The following SMPD3 variants were observed in gnomAD, a reference collection of about 807,000 sequenced individuals.
SMPD3 encodes nSMase-2.
In SMPD3, 21 loss-of-function variants were observed where a neutral mutation model predicts 55.7. The ratio of observed to expected loss-of-function variants is 0.38; its 90% CI spans 0.27 to 0.54. The LOEUF is 0.54. Ranked by LOEUF, SMPD3 falls within the 20% of genes least tolerant of loss-of-function variation. The pLI is 0.80. For synonymous variants in SMPD3, 457 were observed against 404.3 expected, an observed-to-expected ratio of 1.13 and a Z score of -1.56; for missense variants, 842 against 899.6, an observed-to-expected ratio of 0.94 and a Z score of 0.82.
rs533984832 is a variant in SMPD3, at chr16:68,370,729, C to T, written c.1323+130G>A. The T allele has an allele frequency of 9.0e-5, 111 of 1,233,160 alleles. No individual in the cohort carries two copies. The East Asian group carries it at 1.1e-3, about 12-fold the overall frequency. 76.4% of individuals were successfully genotyped at this position (1,233,160 alleles called of 1,614,324 possible). On this transcript the variant is annotated intron_variant, in intron 3 of 8. Coordinates refer to ENST00000219334, the MANE Select transcript of SMPD3 (RefSeq NM_018667.4). Reference sequence around the variant, plus strand: ...TGCTGTTTGGCTCCAGGAAAGACCGCGTCTGCCTCCCACTCCAACCTCCCA... The same window carrying T: ...TGCTGTTTGGCTCCAGGAAAGACCGTGTCTGCCTCCCACTCCAACCTCCCA...
At chr16:68,408,133 T>C (rs996216770) in intron 1 of SMPD3, among the ~76,000 whole-genome samples, 2 of 152,194 alleles carry the variant, frequency 1.3e-5, no homozygotes, top group African/African-American at 4.8e-5. Context: ...GAAACATAAT[T>C]AATTACATAG....
At chr16:68,411,760 C>T (rs1414050733) in intron 1 of SMPD3, among the ~76,000 whole-genome samples, 1 of 152,216 alleles carries the variant, frequency 6.6e-6, no homozygotes, top group Non-Finnish European at 1.5e-5. Context: ...AATGCCTTCT[C>T]TGCCTCACCC....
chr16:68,437,789 G>A (rs538799597), intron 1 of SMPD3, among the ~76,000 whole-genome samples: 7 of 152,180 alleles, frequency 4.6e-5, no homozygotes, highest in Non-Finnish European at 7.3e-5. Flanking sequence ...CATTAGAAGC[G>A]TAGCCATGGA....
At chr16:68,399,379 C>T (rs1264850635) in intron 1 of SMPD3, among the ~76,000 whole-genome samples, 10 of 152,194 alleles carry the variant, frequency 6.6e-5, no homozygotes, top group African/African-American at 2.4e-4. Context: ...TGCCCCATAG[C>T]ATGTCCACTC....
intron 7 of SMPD3, among the ~76,000 whole-genome samples, chr16:68,362,931 T>G (rs1179404106): frequency 6.6e-6 from 1 of 152,260 alleles, no homozygotes; most frequent in African/African-American, 2.4e-5. Context: ...TCGCTGTGAC[T>G]GCAGTCTCGG....
At position 68,432,280 on chromosome 16, in the gene SMPD3, A is replaced by G. The variant is rs149597420; in HGVS notation, c.-269+16073T>C. Among the ~76,000 whole-genome samples the G allele has an allele frequency of 1.3e-4, 20 of 152,318 alleles. No individual in the cohort carries two copies. The East Asian group carries it at 3.9e-3, about 29-fold the overall frequency. ...TTCCTTCTCCAAAGCCACTCTTTCC[A>G]GAGTGGTCTCATGCACATTTGCCTT... On this transcript the variant is annotated intron_variant, in intron 1 of 8. Transcript: ENST00000219334.
rs894769207 is a variant in SMPD3 at position 68,447,105 on chromosome 16, C to A, written c.-269+1248G>T. On this transcript the variant is annotated intron_variant, in intron 1 of 8. Transcript: ENST00000219334. This position sits in a 1 kb window ranked among gnomAD's most constrained non-coding sequence, Gnocchi z 5.1. ...AGCCCCCCCTCCGCGGCCGCGCCCCCCGCCCAGCCCGCGGCGCAGGCCTGC... is the reference window on the plus strand; with the variant it reads ...AGCCCCCCCTCCGCGGCCGCGCCCCACGCCCAGCCCGCGGCGCAGGCCTGC... 4.6e-5 allele frequency among the ~76,000 whole-genome samples: 7 copies of A among 151,912 alleles called. No individual in the cohort carries two copies. Among genetic ancestry groups the A allele is most frequent in the African/African-American group, 1.7e-4 (7 of 41,420 alleles).
intron 1 of SMPD3, among the ~76,000 whole-genome samples, chr16:68,403,419 A>G (rs1295148971): frequency 1.3e-5 from 2 of 152,176 alleles, no homozygotes; most frequent in Admixed American, 6.5e-5. Context: ...CATAAAGACA[A>G]GTGACCTGGC....
intron 2 of SMPD3, among the ~76,000 whole-genome samples, chr16:68,383,037 C>A (rs1489067013): frequency 6.6e-6 from 1 of 152,158 alleles, no homozygotes; most frequent in Non-Finnish European, 1.5e-5. Flanking sequence ...TCGGGTTCCA[C>A]CATGTTGGCC....
Position 68,359,280 on chromosome 16 carries a change from C to G in SMPD3, c.*1926G>C, listed in dbSNP as rs1236648700. 1.3e-5 allele frequency: 2 copies of G among 152,548 alleles called. No individual in the cohort carries two copies. Among genetic ancestry groups the G allele is most frequent in the Non-Finnish European group, 2.9e-5 (2 of 68,234 alleles). 9.4% of individuals were successfully genotyped at this position (152,548 alleles called of 1,614,324 possible). ...TGCTTCTGGAAGTTGGGGGCCTCCA[C>G]ATCATGAATCCCAGTCAAGGCTCAC... On this transcript the variant is annotated 3_prime_UTR_variant, in exon 9 of 9. Coordinates refer to ENST00000219334, the MANE Select transcript of SMPD3 (RefSeq NM_018667.4).
chr16:68,435,825 G>A (rs1026636607), intron 1 of SMPD3, among the ~76,000 whole-genome samples: 3 of 152,384 alleles, frequency 2.0e-5, no homozygotes, highest in South Asian at 2.1e-4. Flanking sequence ...GTGTGCACTG[G>A]TCAGTGCTAT....
intron 7 of SMPD3, 142 bp from the exon 8 acceptor site, chr16:68,361,901 G>C (rs887382995): frequency 7.7e-7 from 1 of 1,295,640 alleles, no homozygotes; most frequent in Admixed American, 2.7e-5. Context: ...TCTCTCCCCT[G>C]CGGGTCCAAA....
intron 2 of SMPD3, among the ~76,000 whole-genome samples, chr16:68,377,246 AG>A (rs1294122755): frequency 6.6e-6 from 1 of 152,190 alleles, no homozygotes; most frequent in African/African-American, 2.4e-5. Context: ...CATGGTTTGC[AG>A]GTTGACCCAA....
chr16:68,434,329 G>A (rs995490872), intron 1 of SMPD3, among the ~76,000 whole-genome samples: 2 of 152,114 alleles, frequency 1.3e-5, no homozygotes, highest in African/African-American at 4.8e-5. Context: ...CATGTATTTC[G>A]ATGCTAAAGT....
chr16:68,364,914 G>A lies in SMPD3; in HGVS notation c.1400-8C>T. 1.2e-6 allele frequency: 2 copies of A among 1,613,356 alleles called. No individual in the cohort carries two copies. Among genetic ancestry groups the A allele is most frequent in the Non-Finnish European group, 1.7e-6 (2 of 1,179,580 alleles). On this transcript the variant is annotated splice_polypyrimidine_tract_variant and splice_region_variant and intron_variant, in intron 4 of 8. Coordinates refer to ENST00000219334, the MANE Select transcript of SMPD3 (RefSeq NM_018667.4). ...ACCGGATGGCGCTGTCCTCTGCAGG[G>A]CAGAAGTACAGAGACTGGATGATGA...
rs200140589 is a variant in SMPD3, at chr16:68,371,605, C to T, written c.577G>A (p.Gly193Ser). The T allele has an allele frequency of 3.7e-5, 58 of 1,567,416 alleles. No individual in the cohort carries two copies. The highest frequency in any genetic ancestry group is 3.4e-4 in the Middle Eastern group (2 of 5,846). ...SFSSLVSPQG[G>S]DGVARAVPGS... Reference sequence around the variant, plus strand: ...GGGACGGCCCGGGCCACCCCATCGCCGCCCTGTGGTGACACCAGGCTGCTG... The same window carrying T: ...GGGACGGCCCGGGCCACCCCATCGCTGCCCTGTGGTGACACCAGGCTGCTG... The change falls in exon 3 of 9, where the codon GGC becomes AGC. Residue 193 changes from glycine to serine, a missense_variant. Coordinates refer to ENST00000219334, the MANE Select transcript of SMPD3 (RefSeq NM_018667.4).
chr16:68,445,068 G>A (rs1238947594), intron 1 of SMPD3, among the ~76,000 whole-genome samples: 6 of 152,230 alleles, frequency 3.9e-5, no homozygotes, highest in Non-Finnish European at 8.8e-5. Context: ...TTAGGACTGA[G>A]CATGTCTTAT....
chr16:68,387,501 T>C (rs1056035107), intron 1 of SMPD3, among the ~76,000 whole-genome samples: 5 of 152,140 alleles, frequency 3.3e-5, no homozygotes, highest in Non-Finnish European at 5.9e-5. Context: ...CCTTAGGTGC[T>C]GGCCCCGCCC....
At chr16:68,370,214 ATAATTATGATTCACTT>A (rs1263166303) in intron 3 of SMPD3, 2 of 152,682 alleles carry the variant, frequency 1.3e-5, no homozygotes, top group African/African-American at 4.8e-5. Flanking sequence ...ATTAGCAGAA[ATAATTATGATTCACTT>A]TAATTAGTGA....
Sources: gnomAD v4.1 joint callset for allele counts (sites outside exome capture counted in the v4.1 genomes callset) on GRCh38, gnomAD v4.1.1 for gene constraint, Gnocchi (gnomAD v3.1) non-coding constraint, MANE v1.5 for transcripts, NCBI Gene and HGNC (gene_info 2026-07-23, HGNC 2026-07-21) for gene names.